The following PCGF5 variants were observed in gnomAD, a reference collection of about 807,000 sequenced individuals.
PCGF5 encodes polycomb group RING finger protein 5.
In PCGF5, 9 loss-of-function variants were observed where a neutral mutation model predicts 44.3. The ratio of observed to expected loss-of-function variants is 0.20; its 90% CI spans 0.12 to 0.35. PCGF5 has a LOEUF of 0.35. PCGF5 is among the 10% of genes least tolerant of loss of function. The pLI is 1.00. For synonymous variants in PCGF5, 95 were observed against 102.5 expected (o/e 0.93, Z 0.44); for missense variants, 146 against 305.3 (o/e 0.48, Z 3.89).
At chr10:91,277,006 A>T (rs1846333227) in intron 9 of PCGF5, among the ~76,000 whole-genome samples, 1 of 152,096 alleles carries the variant, frequency 6.6e-6, no homozygotes, top group Non-Finnish European at 1.5e-5. Context: ...AACAAGTAAA[A>T]CCAGAACAGT....
At chr10:91,212,320 G>GAAAT (rs1281140724) in intron 1 of PCGF5, among the ~76,000 whole-genome samples, 5 of 152,196 alleles carry the variant, frequency 3.3e-5, no homozygotes, top group African/African-American at 1.2e-4. Flanking sequence ...GAAGATACAT[G>GAAAT]AAATATTGTG....
chr10:91,222,570 A>G (rs921636805), intron 1 of PCGF5, 119 bp from the exon 2 acceptor site: 3 of 462,068 alleles, frequency 6.5e-6, no homozygotes, highest in South Asian at 6.1e-5. Flanking sequence ...GATATGTTCT[A>G]TTCACCTATT....
At chr10:91,225,388 C>G (rs989439612) in intron 2 of PCGF5, among the ~76,000 whole-genome samples, 2 of 151,252 alleles carry the variant, frequency 1.3e-5, no homozygotes, top group Non-Finnish European at 2.9e-5. Context: ...CACATGTCAT[C>G]CTAGCCTGAA....
Position 91,248,722 on chromosome 10 carries a change from A to G in PCGF5, c.323A>G (p.Gln108Arg). 1 of 1,606,836 alleles carries G rather than the reference A, an allele frequency of 6.2e-7. No homozygotes were observed. The highest frequency in any genetic ancestry group is 8.5e-7 in the Non-Finnish European group (1 of 1,176,600). ...WKKNKPQENGQDDTSKADKPK... is the reference protein window; with the variant it reads ...WKKNKPQENGRDDTSKADKPK... ...AAAAATAAGCCTCAAGAAAATGGAC[A>G]AGGTGACTTTTTCTTATGTCTGTTT... Residue 108 changes from glutamine (Q) to arginine (R), a missense_variant and splice_region_variant, in exon 5 of 10, where the codon CAA becomes CGA. Gln to Arg is a conservative substitution (Grantham distance 43). Coordinates refer to ENST00000336126, the MANE Select transcript of PCGF5 (RefSeq NM_032373.5).
chr10:91,277,127 T>G (rs1846336456), intron 9 of PCGF5, among the ~76,000 whole-genome samples: 1 of 152,224 alleles, frequency 6.6e-6, no homozygotes. Flanking sequence ...GAGCAAGACC[T>G]AGGGCATTTG....
intron 1 of PCGF5, among the ~76,000 whole-genome samples, chr10:91,179,115 G>C (rs1843771355): frequency 6.6e-6 from 1 of 152,140 alleles, no homozygotes; most frequent in Non-Finnish European, 1.5e-5. Flanking sequence ...AAACATCTTT[G>C]CTTGCTTCCT....
At position 91,282,120 on chromosome 10, in the gene PCGF5, G is replaced by A. The variant is rs979884429; in HGVS notation, c.*3804G>A. Reference sequence around the variant, plus strand: ...GTATAGAAAAGACTTCATTCTATGGGATTTATATAAGTAAGTGCTTTCTCT... The same window carrying A: ...GTATAGAAAAGACTTCATTCTATGGAATTTATATAAGTAAGTGCTTTCTCT... On this transcript the variant is annotated 3_prime_UTR_variant, in exon 10 of 10. Coordinates refer to ENST00000336126, the MANE Select transcript of PCGF5 (RefSeq NM_032373.5). The A allele has an allele frequency of 6.6e-6, 1 of 152,138 alleles. No homozygotes were observed. Among genetic ancestry groups the A allele is most frequent in the Admixed American group, 6.5e-5 (1 of 15,272 alleles). The allele number at this position is 152,138 out of a possible 1,614,324, so 9.4% of individuals were successfully genotyped here. A position where few individuals can be genotyped will look rare whatever the true frequency, so the allele number is the denominator to read the frequency against.
At chr10:91,183,376 TA>T (rs1442157125) in intron 1 of PCGF5, among the ~76,000 whole-genome samples, 1 of 152,172 alleles carries the variant, frequency 6.6e-6, no homozygotes, top group Non-Finnish European at 1.5e-5. Context: ...TTTGTTGTTT[TA>T]AAGTCTGTTT....
At chr10:91,215,544 G>A (rs1844525332), upstream of PCGF5, among the ~76,000 whole-genome samples, 1 of 152,214 alleles carries the variant, frequency 6.6e-6, no homozygotes, top group African/African-American at 2.4e-5. Context: ...TTTCAAATGT[G>A]CCCTCTTTTG....
intron 2 of PCGF5, among the ~76,000 whole-genome samples, chr10:91,233,480 G>T (rs939437880): frequency 3.3e-5 from 5 of 152,178 alleles, no homozygotes; most frequent in African/African-American, 4.8e-5. Flanking sequence ...GGTTCTCTGT[G>T]AAATTGCAAC....
intron 1 of PCGF5, among the ~76,000 whole-genome samples, chr10:91,210,126 T>C (rs952847812): frequency 6.6e-6 from 1 of 152,216 alleles, no homozygotes; most frequent in African/African-American, 2.4e-5. Flanking sequence ...CTGCTCTCCC[T>C]TAACGCTTCC....
At chr10:91,163,520 T>G (rs1462866490) in intron 1 of PCGF5, among the ~76,000 whole-genome samples, 1 of 151,718 alleles carries the variant, frequency 6.6e-6, no homozygotes, top group Non-Finnish European at 1.5e-5. Context: ...CAGCGGCGCC[T>G]CCGCCGAGGA....
chr10:91,261,512 C>A, intron 7 of PCGF5, 88 bp downstream of exon 7: 1 of 1,271,208 alleles, frequency 7.9e-7, no homozygotes, highest in Non-Finnish European at 1.0e-6. Context: ...AGAATATATT[C>A]AAATTAATTT....
At chr10:91,184,464 A>C (rs1442356301) in intron 1 of PCGF5, among the ~76,000 whole-genome samples, 2 of 152,090 alleles carry the variant, frequency 1.3e-5, no homozygotes, top group African/African-American at 4.8e-5. Flanking sequence ...GCAATGTTTT[A>C]GCGTGATTTT....
upstream of PCGF5, among the ~76,000 whole-genome samples, chr10:91,218,916 C>G (rs892755172): frequency 1.3e-5 from 2 of 152,340 alleles, no homozygotes; most frequent in African/African-American, 4.8e-5. Context: ...GCATGAGCCA[C>G]CGTGCCAGGC....
chr10:91,270,081 A>G lies in PCGF5; in HGVS notation c.664-1557A>G, dbSNP rs970362214. Among the ~76,000 whole-genome samples the G allele has an allele frequency of 3.3e-5, 5 of 152,362 alleles. No homozygotes were observed. In the East Asian group the frequency reaches 7.7e-4, roughly 23 times the overall value. ...ATGCATATTAACGTTTATTATGACTATAATTCTCTCCTCCTTCACTTAGTT... is the reference window on the plus strand; with the variant it reads ...ATGCATATTAACGTTTATTATGACTGTAATTCTCTCCTCCTTCACTTAGTT... On this transcript the variant is annotated intron_variant, in intron 8 of 9. Transcript: ENST00000336126.
intron 3 of PCGF5, among the ~76,000 whole-genome samples, chr10:91,244,798 C>G (rs533080570): frequency 2.2e-4 from 33 of 152,232 alleles, no homozygotes; most frequent in African/African-American, 7.9e-4. Flanking sequence ...TTTAAGATTT[C>G]TGACCTGAGC....
chr10:91,217,282 T>C (rs1056492392), upstream of PCGF5, among the ~76,000 whole-genome samples: 1 of 152,218 alleles, frequency 6.6e-6, no homozygotes, highest in African/African-American at 2.4e-5. Context: ...ACCACCCGCC[T>C]CGGCCTCCCG....
In PCGF5 at chr10:91,173,080, A is replaced by C. The variant is rs979659264; in HGVS notation, c.-184+9999A>C. Among the ~76,000 whole-genome samples, 7 of 152,370 alleles carry C rather than the reference A, an allele frequency of 4.6e-5. No individual in the cohort carries two copies. The East Asian group carries it at 1.2e-3, about 25-fold the overall frequency. On this transcript the variant is annotated intron_variant, in intron 1 of 9. Coordinates refer to the PCGF5 transcript ENST00000614189. ...GTAGGAAAAAAATTACATCTGGTCTATCTCCTAGGTATTCAATGTGAAAAC... is the reference window on the plus strand; with the variant it reads ...GTAGGAAAAAAATTACATCTGGTCTCTCTCCTAGGTATTCAATGTGAAAAC...
Sources: gnomAD v4.1 joint callset for allele counts (sites outside exome capture counted in the v4.1 genomes callset) on GRCh38, gnomAD v4.1.1 for gene constraint, MANE v1.5 for transcripts, NCBI Gene and HGNC (gene_info 2026-07-23, HGNC 2026-07-21) for gene names.